STX18: variants seen among roughly 807,000 people sequenced by gnomAD.
The protein encoded by STX18 is syntaxin-18.
A neutral mutation model predicts 50.1 loss-of-function variants in STX18; 40 were observed. That is an observed-to-expected ratio of 0.80 (90% CI 0.62 to 1.04). The LOEUF is 1.04. STX18 is among the 50% of genes least tolerant of loss of function. STX18 has a pLI of 0.00. For missense variants in STX18, 410 were observed against 415.8 expected, an observed-to-expected ratio of 0.99 and a Z score of 0.12; for synonymous variants, 158 against 151.8, an observed-to-expected ratio of 1.04 and a Z score of -0.30.
chr4:4,478,651 C>G (rs1418769718), intron 1 of STX18: 1 of 152,244 alleles, frequency 6.6e-6, no homozygotes, highest in Non-Finnish European at 1.5e-5. Context: ...GTTCTACTCC[C>G]TGCTTTGCCA....
chr4:4,497,132 C>T (rs1168359250), intron 1 of STX18, among the ~76,000 whole-genome samples: 1 of 152,182 alleles, frequency 6.6e-6, no homozygotes, highest in African/African-American at 2.4e-5. Context: ...TCCAGGCTCC[C>T]CCTCCGGCTC....
In STX18 at chr4:4,419,317, C is replaced by G. The variant is rs1375833299; in HGVS notation, c.*717G>C. 1 of 152,166 alleles carries G rather than the reference C, an allele frequency of 6.6e-6. No individual in the cohort carries two copies. Among genetic ancestry groups the G allele is most frequent in the Non-Finnish European group, 1.5e-5 (1 of 68,042 alleles). The allele number at this position is 152,166 out of a possible 1,614,324, so 9.4% of individuals were successfully genotyped here. ...GTGGCGGGAAACTGGCCCTCCCACA[C>G]CCCCTGCCTGTTCTGGGGGCAGCAG... On this transcript the variant is annotated 3_prime_UTR_variant, in exon 11 of 11. Transcript: ENST00000306200.
intron 1 of STX18, among the ~76,000 whole-genome samples, chr4:4,473,985 A>AGC (rs2108839106): frequency 6.6e-6 from 1 of 152,198 alleles, no homozygotes; most frequent in South Asian, 2.1e-4. Flanking sequence ...TTCACAACTC[A>AGC]GCGCTGAAAG....
chr4:4,494,407 A>G (rs1049914964), intron 1 of STX18, among the ~76,000 whole-genome samples: 1 of 151,806 alleles, frequency 6.6e-6, no homozygotes, highest in Non-Finnish European at 1.5e-5. Context: ...CTTTCAAGTG[A>G]TTTTTCATAT....
rs1401604184 is a variant in STX18, at chr4:4,423,515, T to C, written c.831+3A>G. On this transcript the variant is annotated splice_donor_region_variant and intron_variant, in intron 9 of 10. Coordinates refer to ENST00000306200, the MANE Select transcript of STX18 (RefSeq NM_016930.4). ...TACAGCTCCTTTGTTTTTGTTTTTTTACCTGTTGCAAAACCTTTTCCGTGA... is the reference window on the plus strand; with the variant it reads ...TACAGCTCCTTTGTTTTTGTTTTTTCACCTGTTGCAAAACCTTTTCCGTGA... 4 of 1,614,198 alleles carry C rather than the reference T, an allele frequency of 2.5e-6. No individual in the cohort carries two copies. The highest frequency in any genetic ancestry group is 3.4e-6 in the Non-Finnish European group (4 of 1,180,016).
In STX18 at chr4:4,524,161, T is replaced by C. The variant is rs562572275; in HGVS notation, c.168+17636A>G. On this transcript the variant is annotated intron_variant, in intron 1 of 10. Coordinates refer to ENST00000306200, the MANE Select transcript of STX18 (RefSeq NM_016930.4). ...GTTGGTGCTTAACAGTAAGTGACTA[T>C]GAGTAAGTGAATAAATAATTCATTC... 2.0e-5 allele frequency among the ~76,000 whole-genome samples: 3 copies of C among 152,352 alleles called. No individual in the cohort carries two copies. In the East Asian group the frequency reaches 5.8e-4, roughly 29 times the overall value.
At chr4:4,529,715 G>C (rs1241978405) in intron 1 of STX18, among the ~76,000 whole-genome samples, 1 of 152,196 alleles carries the variant, frequency 6.6e-6, no homozygotes, top group Non-Finnish European at 1.5e-5. Context: ...TTGGGAGATA[G>C]CTTACCCTTC....
rs566730150 is a variant in STX18 at position 4,500,370 on chromosome 4, A to G, written c.169-28664T>C. On this transcript the variant is annotated intron_variant, in intron 1 of 10. Coordinates refer to ENST00000306200, the MANE Select transcript of STX18 (RefSeq NM_016930.4). ...AAAGGATGCTGCACCTGTACTGAAC[A>G]TGTGCAGATTTTTTTCTTGTTACTA... Among the ~76,000 whole-genome samples, 6 of 152,386 alleles carry G rather than the reference A, an allele frequency of 3.9e-5. No homozygotes were observed. In the South Asian group the frequency reaches 1.2e-3, roughly 32 times the overall value.
intron 1 of STX18, among the ~76,000 whole-genome samples, chr4:4,493,635 T>G (rs1729043657): frequency 6.6e-6 from 1 of 152,220 alleles, no homozygotes; most frequent in South Asian, 2.1e-4. Context: ...TCATGAATTT[T>G]CACTTTTAAT....
At chr4:4,522,997 T>C (rs1560208469) in intron 1 of STX18, among the ~76,000 whole-genome samples, 1 of 152,262 alleles carries the variant, frequency 6.6e-6, no homozygotes, top group African/African-American at 2.4e-5. Context: ...GCACTTCTTA[T>C]GTGCTAAGCA....
At chr4:4,498,471 A>T (rs1259468184) in intron 1 of STX18, among the ~76,000 whole-genome samples, 1 of 152,196 alleles carries the variant, frequency 6.6e-6, no homozygotes. Context: ...TTCAATCCTC[A>T]GCCCAATGAC....
intron 1 of STX18, among the ~76,000 whole-genome samples, chr4:4,513,218 G>T (rs1730086419): frequency 6.6e-6 from 1 of 152,124 alleles, no homozygotes; most frequent in Admixed American, 6.6e-5. Context: ...CCTGTACTTT[G>T]AGAGTGGAGA....
chr4:4,498,543 G>A (rs560604559), intron 1 of STX18, among the ~76,000 whole-genome samples: 2 of 152,232 alleles, frequency 1.3e-5, no homozygotes, highest in Non-Finnish European at 2.9e-5. Flanking sequence ...AAGCACCTGT[G>A]TTTGGATTAT....
At chr4:4,489,057 T>C (rs1400120935) in intron 1 of STX18, among the ~76,000 whole-genome samples, 1 of 152,230 alleles carries the variant, frequency 6.6e-6, no homozygotes, top group East Asian at 1.9e-4. Context: ...ACTGATTTTT[T>C]TTCTCTTTTA....
intron 1 of STX18, among the ~76,000 whole-genome samples, chr4:4,472,796 G>A (rs916152005): frequency 3.3e-5 from 5 of 152,180 alleles, no homozygotes; most frequent in African/African-American, 1.2e-4. Flanking sequence ...ATGAGTATAT[G>A]CCTAAATACA....
At chr4:4,501,290 G>A (rs75787010) in intron 1 of STX18, among the ~76,000 whole-genome samples, 2 of 152,188 alleles carry the variant, frequency 1.3e-5, no homozygotes, top group African/African-American at 4.8e-5. Flanking sequence ...CCACATTTTT[G>A]CGACATGGTT....
chr4:4,458,088 C>T (rs1357092828), intron 3 of STX18, among the ~76,000 whole-genome samples: 1 of 152,210 alleles, frequency 6.6e-6, no homozygotes, highest in South Asian at 2.1e-4. Context: ...ATAGTGACCA[C>T]TGACTGAGAG....
chr4:4,444,072 C>A lies in STX18; in HGVS notation c.498-5563G>T, dbSNP rs186732936. Among the ~76,000 whole-genome samples, 3 of 152,266 alleles carry A rather than the reference C, an allele frequency of 2.0e-5. No individual in the cohort carries two copies. The East Asian group carries it at 5.8e-4, about 29-fold the overall frequency. On this transcript the variant is annotated intron_variant, in intron 5 of 10. Coordinates refer to ENST00000306200, the MANE Select transcript of STX18 (RefSeq NM_016930.4). ...AACAGAGTGATTTATGACTGGGGGC[C>A]TTGGGCCACTGTATCAGTGCATGGC... is the stretch of plus-strand genomic sequence containing the variant.
chr4:4,484,006 T>C (rs559852900), intron 1 of STX18, among the ~76,000 whole-genome samples: 4,066 of 152,054 alleles, frequency 0.027, 191 homozygotes, highest in African/African-American at 0.092. Context: ...GGACTACAGG[T>C]GCGTGCCACC....
Sources: allele counts gnomAD v4.1 joint callset (sites outside exome capture counted in the v4.1 genomes callset), GRCh38; gene constraint gnomAD v4.1.1; transcripts MANE v1.5; gene names NCBI Gene and HGNC (gene_info 2026-07-23, HGNC 2026-07-21).